Variants in GALNTL6 observed in about 807,000 individuals in gnomAD.
The protein encoded by GALNTL6 is polypeptide N-acetylgalactosaminyltransferase-like 6.
GALNTL6 carries 46 observed loss-of-function variants against 73.7 expected under a neutral mutation model. The ratio of observed to expected loss-of-function variants is 0.62; its 90% confidence interval spans 0.49 to 0.80. The LOEUF (loss-of-function observed/expected upper bound fraction) is 0.80. GALNTL6 is among the 30% of genes least tolerant of loss of function. The probability of loss-of-function intolerance (pLI) is 0.00; values close to 1 mark genes in which losing one functional copy is unlikely to be tolerated. For missense variants in GALNTL6, 604 were observed against 755.0 expected (o/e 0.80, Z 2.34); for synonymous variants, 259 against 263.7 (o/e 0.98, Z 0.17).
Position 171,814,656 on chromosome 4 carries a change from G to A in GALNTL6, c.76G>A (p.Gly26Ser). Reference protein sequence around the residue: ...TVALIFLPNVGLWSLYKDKHL... With the variant: ...TVALIFLPNVSLWSLYKDKHL... ...GGCTTTAATTTTCCTGCCTAACGTTGGTCTCTGGTCTCTGTACAAGGATAA... is the reference window on the plus strand; with the variant it reads ...GGCTTTAATTTTCCTGCCTAACGTTAGTCTCTGGTCTCTGTACAAGGATAA... Residue 26 changes from glycine (G) to serine (S), a missense_variant, in exon 2 of 13, where the codon GGT becomes AGT. Around this residue, in one of 5 missense-constraint regions of GALNTL6, gnomAD observed 141 missense variants for 156.6 expected, o/e 0.90. Coordinates refer to ENST00000506823, the MANE Select transcript of GALNTL6 (RefSeq NM_001034845.3). The A allele has an allele frequency of 6.2e-7, 1 of 1,614,062 alleles. No homozygotes were observed. The highest frequency in any genetic ancestry group is 2.2e-5 in the East Asian group (1 of 44,870).
intron 5 of GALNTL6, among the ~76,000 whole-genome samples, chr4:172,408,188 A>C (rs1313555848): frequency 6.6e-6 from 1 of 152,066 alleles, no homozygotes; most frequent in African/African-American, 2.4e-5. Context: ...ATTATGTGAG[A>C]ATAGTGGAAA....
intron 5 of GALNTL6, among the ~76,000 whole-genome samples, chr4:172,522,431 G>A (rs1297671436): frequency 6.6e-6 from 1 of 152,124 alleles, no homozygotes; most frequent in Non-Finnish European, 1.5e-5. Flanking sequence ...AGCACTTTGG[G>A]AGGCTGAAGG....
At position 171,832,625 on chromosome 4, in the gene GALNTL6, CTT is replaced by C. The variant is rs530204065; in HGVS notation, c.138+17908_138+17909del. On this transcript the variant is annotated intron_variant, in intron 2 of 12. Transcript: ENST00000506823. The stretch of plus-strand genomic sequence containing the variant: ...AAATAAGAATATAAAATAAAATAAA[CTT>C]ATCATTTCTCATTTTATCAAACATC... 4.4e-3 allele frequency among the ~76,000 whole-genome samples: 661 copies of C among 151,504 alleles called. 3 individuals carry two copies. The highest frequency in any genetic ancestry group is 8.2e-3 in the Admixed American group (124 of 15,158).
chr4:171,849,022 T>A (rs1293661702), intron 2 of GALNTL6, among the ~76,000 whole-genome samples: 1 of 152,158 alleles, frequency 6.6e-6, no homozygotes, highest in Non-Finnish European at 1.5e-5. Flanking sequence ...ACTGTGACCA[T>A]CGCCTGAATA....
chr4:172,083,757 T>C (rs754458203), intron 2 of GALNTL6, among the ~76,000 whole-genome samples: 110 of 152,336 alleles, frequency 7.2e-4, no homozygotes, highest in Non-Finnish European at 1.4e-3. Context: ...CTTGTTTTTT[T>C]ACGTGTCTCT....
intron 2 of GALNTL6, among the ~76,000 whole-genome samples, chr4:172,044,859 G>A (rs1025197154): frequency 9.9e-5 from 15 of 151,804 alleles, no homozygotes; most frequent in African/African-American, 3.6e-4. Flanking sequence ...AATTACATAA[G>A]CCTTCTTCTT....
intron 2 of GALNTL6, among the ~76,000 whole-genome samples, chr4:172,214,099 G>A (rs1233548393): frequency 2.0e-5 from 3 of 152,086 alleles, no homozygotes; most frequent in African/African-American, 4.8e-5. Flanking sequence ...GTCAGAGATC[G>A]GTGGACTATG....
chr4:172,849,848 A>G (rs977860681), intron 7 of GALNTL6, among the ~76,000 whole-genome samples: 4 of 152,206 alleles, frequency 2.6e-5, no homozygotes, highest in Non-Finnish European at 5.9e-5. Flanking sequence ...CAGGTTAGGT[A>G]CAGCATGAGA....
At chr4:172,241,066 C>A (rs1173121970) in intron 3 of GALNTL6, among the ~76,000 whole-genome samples, 1 of 152,046 alleles carries the variant, frequency 6.6e-6, no homozygotes, top group Non-Finnish European at 1.5e-5. Context: ...GGTCTTTATT[C>A]GTAGCTGAAT....
intron 5 of GALNTL6, among the ~76,000 whole-genome samples, chr4:172,351,466 T>A (rs910218309): frequency 6.6e-6 from 1 of 152,144 alleles, no homozygotes; most frequent in Non-Finnish European, 1.5e-5. Flanking sequence ...TAGAAGAGTG[T>A]TTAGCAGAAT....
chr4:171,991,008 C>T (rs766991634), intron 2 of GALNTL6, among the ~76,000 whole-genome samples: 30 of 151,972 alleles, frequency 2.0e-4, no homozygotes, highest in Middle Eastern at 3.4e-3. Flanking sequence ...TTATGACTAT[C>T]GATGTAGAAA....
At chr4:172,076,626 A>C (rs1731710857) in intron 2 of GALNTL6, among the ~76,000 whole-genome samples, 1 of 152,214 alleles carries the variant, frequency 6.6e-6, no homozygotes, top group African/African-American at 2.4e-5. Context: ...TGCTTTTTAT[A>C]AACCAGTCTA....
chr4:173,032,308 G>A (rs1401953096), intron 12 of GALNTL6, among the ~76,000 whole-genome samples: 2 of 152,130 alleles, frequency 1.3e-5, no homozygotes, highest in Non-Finnish European at 2.9e-5. Flanking sequence ...AGAATTAGCC[G>A]GGCGTGGTGG....
chr4:172,131,406 A>AATATATATATAT (rs772791571), intron 2 of GALNTL6, among the ~76,000 whole-genome samples: 47 of 137,584 alleles, frequency 3.4e-4, no homozygotes, highest in African/African-American at 1.2e-3. Flanking sequence ...ATGCCTTTAA[A>AATATATATATAT]ATATATATAT....
At chr4:172,901,780 A>G (rs1746641334) in intron 8 of GALNTL6, among the ~76,000 whole-genome samples, 1 of 152,090 alleles carries the variant, frequency 6.6e-6, no homozygotes, top group Non-Finnish European at 1.5e-5. Context: ...TATTTCCTTT[A>G]TTTTCCTAAA....
chr4:173,016,687 G>A (rs1174469090), intron 11 of GALNTL6, among the ~76,000 whole-genome samples: 2 of 152,188 alleles, frequency 1.3e-5, no homozygotes, highest in African/African-American at 4.8e-5. Flanking sequence ...TAGGCGGAGG[G>A]TACTTGCCTT....
At chr4:172,357,135 G>A (rs1426840468) in intron 5 of GALNTL6, among the ~76,000 whole-genome samples, 1 of 152,074 alleles carries the variant, frequency 6.6e-6, no homozygotes, top group Admixed American at 6.6e-5. Context: ...GACTGCAGGG[G>A]GCCAATCAGC....
At chr4:171,925,578 T>C (rs1737950643) in intron 2 of GALNTL6, among the ~76,000 whole-genome samples, 1 of 152,188 alleles carries the variant, frequency 6.6e-6, no homozygotes, top group Non-Finnish European at 1.5e-5. Context: ...ACTTAGACTT[T>C]GAATAATTTT....
chr4:171,856,501 C>T lies in GALNTL6; in HGVS notation c.138+41783C>T, dbSNP rs116666724. 6.0e-3 allele frequency among the ~76,000 whole-genome samples: 919 copies of T among 152,240 alleles called. 8 individuals are homozygous for T. The highest frequency in any genetic ancestry group is 0.021 in the African/African-American group (871 of 41,552). ...TCGTATCTAAAAAATCACCACCAAA[C>T]TCTGGCTCACCTAGATTCTCTCCTA... is the stretch of plus-strand genomic sequence containing the variant. On this transcript the variant is annotated intron_variant, in intron 2 of 12. Coordinates refer to ENST00000506823, the MANE Select transcript of GALNTL6 (RefSeq NM_001034845.3).
Sources: allele counts gnomAD v4.1 joint callset (sites outside exome capture counted in the v4.1 genomes callset), GRCh38; gene constraint gnomAD v4.1.1; regional missense constraint gnomAD v4.1.1; transcripts MANE v1.5; gene names NCBI Gene and HGNC (gene_info 2026-07-23, HGNC 2026-07-21).